RNF212B: variants seen among roughly 807,000 people sequenced by gnomAD.
RNF212B encodes ring finger protein 212B.
Under a neutral mutation model 55.5 loss-of-function variants are expected in RNF212B, and 52 were observed. The observed-to-expected ratio is 0.94, with a 90% confidence interval of 0.75 to 1.18. The LOEUF (loss-of-function observed/expected upper bound fraction) is 1.18. Ranked by LOEUF, RNF212B falls within the 50% of genes most tolerant of loss-of-function variation. The pLI is 0.00. For missense variants in RNF212B, 289 were observed against 350.4 expected (o/e 0.82, Z 1.40); for synonymous variants, 99 against 121.4 (o/e 0.82, Z 1.21).
rs919029650 is a variant in RNF212B, at chr14:23,261,916, C to T, written c.435-749C>T. The stretch of plus-strand genomic sequence containing the variant: ...GGAGGCAGAGCTGGCAGTAGTGAGC[C>T]GAGATCACCCCACTGCACTCCAGCC... On this transcript the variant is annotated intron_variant, in intron 7 of 14. Coordinates refer to ENST00000430154, the MANE Select transcript of RNF212B (RefSeq NM_001282322.3). 2.6e-5 allele frequency among the ~76,000 whole-genome samples: 4 copies of T among 152,020 alleles called. No individual in the cohort carries two copies. In the East Asian group the frequency reaches 7.7e-4, roughly 29 times the overall value.
Position 23,269,025 on chromosome 14 carries a change from C to T in RNF212B, c.674+62C>T, listed in dbSNP as rs372904453. 44 of 1,409,490 alleles carry T rather than the reference C, an allele frequency of 3.1e-5. No homozygotes were observed. In the East Asian group the frequency reaches 7.7e-4, roughly 25 times the overall value. 87.3% of individuals were successfully genotyped at this position (1,409,490 alleles called of 1,614,324 possible). A position where few individuals can be genotyped will look rare whatever the true frequency, so the allele number is the denominator to read the frequency against. On this transcript the variant is annotated intron_variant, in intron 12 of 14. Coordinates refer to ENST00000430154, the MANE Select transcript of RNF212B (RefSeq NM_001282322.3). Reference sequence around the variant, plus strand: ...TTCATACTTAAACTCTGCCAGCAGGCTGGGTGCGGTGGCTCACGCCTGTAA... The same window carrying T: ...TTCATACTTAAACTCTGCCAGCAGGTTGGGTGCGGTGGCTCACGCCTGTAA...
At chr14:23,265,572 C>T (rs541999901) in intron 11 of RNF212B, among the ~76,000 whole-genome samples, 1 of 152,204 alleles carries the variant, frequency 6.6e-6, no homozygotes, top group African/African-American at 2.4e-5. Context: ...AAATCTCCCA[C>T]ATTTGAAATC....
chr14:23,205,193 T>C (rs1439624898), intron 2 of RNF212B, among the ~76,000 whole-genome samples: 1 of 152,126 alleles, frequency 6.6e-6, no homozygotes, highest in Non-Finnish European at 1.5e-5. Flanking sequence ...CTCTTTATTT[T>C]TATAACTTTC....
intron 9 of RNF212B, among the ~76,000 whole-genome samples, chr14:23,263,878 A>G (rs1417685657): frequency 1.3e-5 from 2 of 152,206 alleles, no homozygotes; most frequent in Non-Finnish European, 2.9e-5. Context: ...ATTTGAGGTC[A>G]GGAGTTCGAG....
At chr14:23,249,070 G>C (rs910071351) in intron 4 of RNF212B, among the ~76,000 whole-genome samples, 2 of 152,162 alleles carry the variant, frequency 1.3e-5, no homozygotes, top group Non-Finnish European at 2.9e-5. Flanking sequence ...ACAGACAGCT[G>C]GTTATGGTCA....
intron 11 of RNF212B, among the ~76,000 whole-genome samples, chr14:23,267,304 T>C (rs978523202): frequency 1.3e-5 from 2 of 152,202 alleles, no homozygotes; most frequent in African/African-American, 4.8e-5. Context: ...AATTGTCTTA[T>C]TTTCTCTTCA....
intron 2 of RNF212B, among the ~76,000 whole-genome samples, chr14:23,214,522 AAAATT>A (rs1350533625): frequency 1.3e-5 from 2 of 151,978 alleles, no homozygotes; most frequent in Non-Finnish European, 2.9e-5. Flanking sequence ...TTAAAATTTT[AAAATT>A]AAATTAATTT....
At chr14:23,238,771 A>ATCATCATCATCATC (rs774466922) in intron 1 of RNF212B, among the ~76,000 whole-genome samples, 7 of 112,030 alleles carry the variant, frequency 6.2e-5, no homozygotes, top group African/African-American at 1.9e-4. Context: ...TAATAATAAT[A>ATCATCATCATCATC]ATAATAATAA....
At chr14:23,188,340 A>G (rs1877793619) in intron 1 of RNF212B, 1 of 152,180 alleles carries the variant, frequency 6.6e-6, no homozygotes, top group African/African-American at 2.4e-5. Flanking sequence ...GCTGGGTCCA[A>G]TCTGTCATGG....
At chr14:23,217,293 A>G (rs1222094060) in intron 2 of RNF212B, among the ~76,000 whole-genome samples, 9 of 151,382 alleles carry the variant, frequency 5.9e-5, no homozygotes, top group Non-Finnish European at 1.3e-4. Flanking sequence ...AGGGGAGGGA[A>G]GAGCGGGAAG....
At chr14:23,238,762 A>ATC (rs1566420258) in intron 1 of RNF212B, among the ~76,000 whole-genome samples, 3 of 142,040 alleles carry the variant, frequency 2.1e-5, no homozygotes, top group African/African-American at 5.0e-5. Context: ...TAATAATAAT[A>ATC]ATAATAATAA....
At chr14:23,236,239 G>A (rs1883079767), upstream of RNF212B, among the ~76,000 whole-genome samples, 1 of 152,150 alleles carries the variant, frequency 6.6e-6, no homozygotes, top group Admixed American at 6.6e-5. Context: ...ATTTTGGCCA[G>A]GCGCGGTGGC....
chr14:23,196,735 C>T (rs1371406460), intron 2 of RNF212B, among the ~76,000 whole-genome samples: 3 of 152,200 alleles, frequency 2.0e-5, no homozygotes, highest in Non-Finnish European at 4.4e-5. Context: ...AGCCACTGTT[C>T]TAGGGCCCAA....
At chr14:23,189,574 G>A (rs12323468) in intron 1 of RNF212B, among the ~76,000 whole-genome samples, 5,352 of 152,142 alleles carry the variant, frequency 0.035, 161 homozygotes, top group Middle Eastern at 0.092. Context: ...AGGCCAAGGC[G>A]GGAGGATCGC....
At chr14:23,194,728 C>T in intron 2 of RNF212B, among the ~76,000 whole-genome samples, 1 of 85,650 alleles carries the variant, frequency 1.2e-5, no homozygotes, top group African/African-American at 4.6e-5. Context: ...GAGTGAGACT[C>T]TGTCTCAAAA....
chr14:23,248,913 T>C (rs183128675), intron 4 of RNF212B, among the ~76,000 whole-genome samples: 2 of 152,344 alleles, frequency 1.3e-5, no homozygotes, highest in Admixed American at 1.3e-4. Flanking sequence ...GTAAATATTT[T>C]AAGCTTTGCA....
chr14:23,233,024 A>G (rs1293972831), upstream of RNF212B, among the ~76,000 whole-genome samples: 5 of 152,258 alleles, frequency 3.3e-5, no homozygotes, highest in East Asian at 9.6e-4. Flanking sequence ...CTGTGTAGAA[A>G]GAAGTAGACA....
intron 8 of RNF212B, 86 bp from the exon 9 acceptor site, chr14:23,262,842 C>G: frequency 6.9e-7 from 1 of 1,452,058 alleles, no homozygotes; most frequent in Non-Finnish European, 9.5e-7. Context: ...ATTATATAAC[C>G]AGATAACCAT....
intron 2 of RNF212B, among the ~76,000 whole-genome samples, chr14:23,225,964 A>T (rs897862838): frequency 1.2e-4 from 19 of 152,184 alleles, no homozygotes; most frequent in African/African-American, 4.6e-4. Flanking sequence ...GTAAGTATAC[A>T]CACCAAGTAT....
Sources: gnomAD v4.1 joint callset for allele counts (sites outside exome capture counted in the v4.1 genomes callset) on GRCh38, gnomAD v4.1.1 for gene constraint, MANE v1.5 for transcripts, NCBI Gene and HGNC (gene_info 2026-07-23, HGNC 2026-07-21) for gene names.